Variants in KLF12 observed in about 807,000 individuals in gnomAD.
KLF12 encodes Krueppel-like factor 12.
KLF12 carries 9 observed loss-of-function variants against 37.8 expected under a neutral mutation model. The ratio of observed to expected loss-of-function variants is 0.24; its 90% CI spans 0.14 to 0.42. The LOEUF is 0.42. KLF12 is among the 10% of genes least tolerant of loss of function. KLF12 has a pLI of 1.00. For missense variants in KLF12, 411 were observed against 516.0 expected (o/e 0.80, Z 1.97); for synonymous variants, 208 against 202.1 (o/e 1.03, Z -0.25).
rs1166022532 is a variant in KLF12, at chr13:73,691,981, C to T, written c.*3509G>A. ...TGTAAGTTTTTCCCCTGACAATCAT[C>T]TTCCTTTTTCCCACTTAAGCTTTCA... On this transcript the variant is annotated 3_prime_UTR_variant, in exon 8 of 8. Coordinates refer to ENST00000377669, the MANE Select transcript of KLF12 (RefSeq NM_007249.5). 1 of 152,612 alleles carries T rather than the reference C, an allele frequency of 6.6e-6. No homozygotes were observed. The highest frequency in any genetic ancestry group is 2.4e-5 in the African/African-American group (1 of 41,446). The allele number at this position is 152,612 out of a possible 1,614,324, so 9.5% of individuals were successfully genotyped here.
chr13:74,269,352 A>G, the KLF12 span, among the ~76,000 whole-genome samples: 2 of 152,322 alleles, frequency 1.3e-5, no homozygotes, highest in Admixed American at 6.5e-5. Flanking sequence ...CTCATTTCAT[A>G]TAGAGCATAC....
chr13:73,727,649 C>A (rs1876756867), intron 6 of KLF12, among the ~76,000 whole-genome samples: 1 of 152,002 alleles, frequency 6.6e-6, no homozygotes, highest in African/African-American at 2.4e-5. Context: ...AATTTATTCT[C>A]CCCCCTCAGA....
intron 6 of KLF12, among the ~76,000 whole-genome samples, chr13:73,719,043 T>C (rs1364728669): frequency 6.6e-6 from 1 of 152,236 alleles, no homozygotes; most frequent in African/African-American, 2.4e-5. Flanking sequence ...AATGGGTAGA[T>C]TTTCTCCTTG....
At chr13:73,977,115 A>G (rs979270894) in intron 2 of KLF12, among the ~76,000 whole-genome samples, 8 of 150,330 alleles carry the variant, frequency 5.3e-5, no homozygotes, top group African/African-American at 2.0e-4. Flanking sequence ...CGGTGGCATG[A>G]TCTCGACTCA....
chr13:74,022,692 CCT>C (rs1187397583), intron 1 of KLF12, among the ~76,000 whole-genome samples: 5 of 151,742 alleles, frequency 3.3e-5, no homozygotes, highest in African/African-American at 4.8e-5. Context: ...AAATTGACCC[CCT>C]CTCACCCCAC....
At chr13:73,800,368 CATCTAGAAATTTTTATA>C (rs1882221530) in intron 5 of KLF12, 1 of 152,032 alleles carries the variant, frequency 6.6e-6, no homozygotes, top group Non-Finnish European at 1.5e-5. Flanking sequence ...CCACCAGAAT[CATCTAGAAATTTTTATA>C]AGAGAACATG....
At chr13:74,154,504 T>A in the KLF12 span, among the ~76,000 whole-genome samples, 5 of 152,334 alleles carry the variant, frequency 3.3e-5, no homozygotes, top group South Asian at 8.3e-4. Context: ...GTTCCAATAT[T>A]AGATCACCAG....
chr13:74,215,016 A>C, the KLF12 span, among the ~76,000 whole-genome samples: 1 of 151,840 alleles, frequency 6.6e-6, no homozygotes, highest in African/African-American at 2.4e-5. Context: ...CTGGTCTCGA[A>C]CTCCTGACTT....
At chr13:74,195,114 C>T in the KLF12 span, among the ~76,000 whole-genome samples, 3 of 152,144 alleles carry the variant, frequency 2.0e-5, no homozygotes, top group African/African-American at 7.2e-5. Context: ...CTAATCTTCA[C>T]TTTTCCAAGC....
chr13:74,290,827 A>T, the KLF12 span, among the ~76,000 whole-genome samples: 3 of 152,216 alleles, frequency 2.0e-5, no homozygotes, highest in African/African-American at 7.2e-5. Context: ...TTTATACCTG[A>T]TTTACATGCC....
intron 2 of KLF12, among the ~76,000 whole-genome samples, chr13:73,945,199 T>C (rs1890364943): frequency 1.3e-5 from 2 of 152,234 alleles, no homozygotes; most frequent in Admixed American, 1.3e-4. Context: ...CCAGGCACAG[T>C]GGCTCACGCC....
chr13:73,960,516 AC>A (rs1004315086), intron 2 of KLF12: 2 of 193,860 alleles, frequency 1.0e-5, no homozygotes, highest in African/African-American at 2.3e-5. Context: ...GATAAAAAAA[AC>A]AAAGTTCCTA....
intron 1 of KLF12, among the ~76,000 whole-genome samples, chr13:74,010,603 C>G (rs4885144): frequency 0.87 from 131,962 of 152,140 alleles, 57,482 homozygotes; most frequent in Non-Finnish European, 0.91. Context: ...GTAATTTGTA[C>G]AAGGCGTTTG....
At chr13:74,293,393 G>A in the KLF12 span, among the ~76,000 whole-genome samples, 1 of 152,062 alleles carries the variant, frequency 6.6e-6, no homozygotes, top group Admixed American at 6.6e-5. Context: ...ACAATCGAGG[G>A]ACTGAAAAAA....
At chr13:74,088,158 A>G (rs556792457) in intron 1 of KLF12, among the ~76,000 whole-genome samples, 10 of 152,318 alleles carry the variant, frequency 6.6e-5, no homozygotes, top group African/African-American at 2.2e-4. Context: ...AGACAAAGCA[A>G]TTCTTACTAT....
At chr13:73,778,338 T>A (rs543763697) in intron 5 of KLF12, among the ~76,000 whole-genome samples, 1 of 152,182 alleles carries the variant, frequency 6.6e-6, no homozygotes, top group African/African-American at 2.4e-5. Context: ...CTTTGTACTG[T>A]GCTAAGAGTT....
chr13:73,839,076 T>A (rs982583361), intron 4 of KLF12, among the ~76,000 whole-genome samples: 3 of 151,762 alleles, frequency 2.0e-5, no homozygotes, highest in Admixed American at 2.0e-4. Context: ...CAGATCTTTA[T>A]TTGGCTATGA....
intron 2 of KLF12, among the ~76,000 whole-genome samples, chr13:73,981,014 G>T (rs1891676345): frequency 6.6e-6 from 1 of 152,014 alleles, no homozygotes; most frequent in African/African-American, 2.4e-5. Flanking sequence ...ACAAAAATTA[G>T]CCGGGCGTGG....
intron 5 of KLF12, among the ~76,000 whole-genome samples, chr13:73,769,685 T>C (rs577932141): frequency 6.6e-6 from 1 of 152,292 alleles, no homozygotes; most frequent in South Asian, 2.1e-4. Flanking sequence ...AATATCAACC[T>C]TTCTCTGAAA....
Sources: gnomAD v4.1 joint callset for allele counts (sites outside exome capture counted in the v4.1 genomes callset) on GRCh38, gnomAD v4.1.1 for gene constraint, MANE v1.5 for transcripts, NCBI Gene and HGNC (gene_info 2026-07-23, HGNC 2026-07-21) for gene names.